PTGER3: variants seen among roughly 807,000 people sequenced by gnomAD.
PTGER3 encodes the protein prostaglandin E receptor 3, also known as prostaglandin E2 receptor EP3 subtype.
PTGER3 carries 22 observed loss-of-function variants against 34.7 expected under a neutral mutation model. The ratio of observed to expected loss-of-function variants is 0.63; its 90% CI spans 0.45 to 0.91. The LOEUF (loss-of-function observed/expected upper bound fraction) is 0.91, where lower values mean the gene tolerates loss of function less well. Among genes scored for constraint, PTGER3 ranks in the 40% least tolerant of loss-of-function variants. PTGER3 has a pLI of 0.00. For missense variants in PTGER3, 468 were observed against 519.4 expected, an observed-to-expected ratio of 0.90 and a Z score of 0.96; for synonymous variants, 241 against 230.1, an observed-to-expected ratio of 1.05 and a Z score of -0.43.
intron 4 of PTGER3, among the ~76,000 whole-genome samples, chr1:70,885,581 A>G (rs1391541224): frequency 1.3e-5 from 2 of 152,116 alleles, no homozygotes; most frequent in East Asian, 1.9e-4. Flanking sequence ...TAAGTTTAAA[A>G]ACTTCATGGA....
downstream of PTGER3, among the ~76,000 whole-genome samples, chr1:70,947,719 G>A (rs1033592463): frequency 2.0e-5 from 3 of 152,124 alleles, no homozygotes; most frequent in African/African-American, 7.2e-5. Context: ...TTACATTGCT[G>A]AGACATTAAT....
At chr1:70,929,431 A>C (rs536590080) in intron 4 of PTGER3, among the ~76,000 whole-genome samples, 1 of 152,322 alleles carries the variant, frequency 6.6e-6, no homozygotes, top group African/African-American at 2.4e-5. Context: ...AGTACTTAAA[A>C]ATTAAATGGG....
intron 4 of PTGER3, among the ~76,000 whole-genome samples, chr1:70,858,294 G>A (rs866170861): frequency 5.3e-5 from 8 of 150,304 alleles, no homozygotes; most frequent in African/African-American, 1.2e-4. Context: ...AGGAAACAAC[G>A]TTGAAACAAA....
intron 1 of PTGER3, among the ~76,000 whole-genome samples, chr1:71,032,406 A>C (rs574126216): frequency 1.3e-5 from 2 of 151,952 alleles, no homozygotes; most frequent in South Asian, 4.3e-4. Context: ...AAAATCTATG[A>C]TGTCTAAACA....
intron 4 of PTGER3, among the ~76,000 whole-genome samples, chr1:70,908,263 T>G (rs1377392816): frequency 6.6e-6 from 1 of 152,130 alleles, no homozygotes; most frequent in East Asian, 1.9e-4. Flanking sequence ...GATTTTTTGG[T>G]CAATTTTTCT....
At chr1:71,015,341 G>C (rs1194260081) in intron 1 of PTGER3, among the ~76,000 whole-genome samples, 1 of 152,146 alleles carries the variant, frequency 6.6e-6, no homozygotes, top group Non-Finnish European at 1.5e-5. Context: ...ATTTAAAGTG[G>C]ACATAACATC....
intron 4 of PTGER3, among the ~76,000 whole-genome samples, chr1:70,868,107 C>T (rs1056365056): frequency 1.3e-5 from 2 of 152,104 alleles, no homozygotes; most frequent in African/African-American, 4.8e-5. Flanking sequence ...ATATCCCAGG[C>T]TTTTGCATAC....
rs188333381 is a variant in PTGER3, at chr1:70,971,313, A to G, written c.*417T>C. ...ACTCTCAATATGTTGACTTTTCACC[A>G]TCATAAGCTTATACTGATTTTTCAA... On this transcript the variant is annotated 3_prime_UTR_variant, in exon 4 of 4. Transcript: ENST00000306666. The G allele has an allele frequency of 2.0e-6, 2 of 989,190 alleles. No homozygotes were observed. Among genetic ancestry groups the G allele is most frequent in the Non-Finnish European group, 2.4e-6 (2 of 832,614 alleles). The allele number at this position is 989,190 out of a possible 1,614,324, so 61.3% of individuals were successfully genotyped here. A position where few individuals can be genotyped will look rare whatever the true frequency, so the allele number is the denominator to read the frequency against.
chr1:70,970,904 G>A lies in PTGER3; in HGVS notation c.*826C>T. The A allele has an allele frequency of 1.0e-6, 1 of 985,044 alleles. No individual in the cohort carries two copies. Among genetic ancestry groups the A allele is most frequent in the Non-Finnish European group, 1.2e-6 (1 of 829,642 alleles). 61.0% of individuals were successfully genotyped at this position (985,044 alleles called of 1,614,324 possible). A position where few individuals can be genotyped will look rare whatever the true frequency, so the allele number is the denominator to read the frequency against. ...ATTTATTAATTTTGCCTTTGTATAT[G>A]CTGCCAGAAAAGAAATATTAAGAAA... On this transcript the variant is annotated 3_prime_UTR_variant, in exon 4 of 4. Transcript: ENST00000306666.
intron 4 of PTGER3, among the ~76,000 whole-genome samples, chr1:70,917,151 T>C (rs902880029): frequency 7.9e-5 from 12 of 152,052 alleles, no homozygotes; most frequent in Non-Finnish European, 1.6e-4. Flanking sequence ...ATTGTAACTT[T>C]GTACACATTG....
chr1:70,929,184 A>G (rs1295574486), intron 4 of PTGER3, among the ~76,000 whole-genome samples: 1 of 152,180 alleles, frequency 6.6e-6, no homozygotes, highest in Admixed American at 6.5e-5. Flanking sequence ...CTAAAGACGA[A>G]TAAATACAGC....
rs1657331999 is a variant in PTGER3 at position 71,010,338 on chromosome 1, G to A, written c.1077+1967C>T. 1.5e-5 allele frequency: 15 copies of A among 984,614 alleles called. No homozygotes were observed. The South Asian group carries it at 6.1e-4, about 40-fold the overall frequency. 61.0% of individuals were successfully genotyped at this position (984,614 alleles called of 1,614,324 possible). On this transcript the variant is annotated intron_variant, in intron 2 of 3. Transcript: ENST00000306666. Reference sequence around the variant, plus strand: ...AAATAATTCACTTTATCAGCCTGATGGACTGTAATGGCATGAAGCACTTCA... The same window carrying A: ...AAATAATTCACTTTATCAGCCTGATAGACTGTAATGGCATGAAGCACTTCA...
chr1:70,961,910 A>T (rs1255407843), intron 2 of PTGER3, among the ~76,000 whole-genome samples: 2 of 152,194 alleles, frequency 1.3e-5, no homozygotes, highest in Non-Finnish European at 2.9e-5. Flanking sequence ...CCTATCTCTT[A>T]GATCCAAATT....
intron 1 of PTGER3, among the ~76,000 whole-genome samples, chr1:71,042,207 A>C (rs1466204795): frequency 1.3e-5 from 2 of 150,468 alleles, no homozygotes; most frequent in Non-Finnish European, 3.0e-5. Context: ...TAACCATCTA[A>C]ATTTGTTTTC....
At chr1:70,954,746 G>A (rs868307163) in intron 2 of PTGER3, among the ~76,000 whole-genome samples, 42 of 152,054 alleles carry the variant, frequency 2.8e-4, no homozygotes, top group African/African-American at 1.0e-3. Context: ...TTGCTATCAT[G>A]TAATACAAAT....
chr1:70,953,100 AAAT>A (rs1650936460), intron 3 of PTGER3: 1 of 1,486,238 alleles, frequency 6.7e-7, no homozygotes, highest in Non-Finnish European at 9.0e-7. Context: ...AAATAATAAA[AAAT>A]AACAATATGA....
chr1:70,985,480 TA>T (rs1654829533), intron 2 of PTGER3, among the ~76,000 whole-genome samples: 1 of 152,124 alleles, frequency 6.6e-6, no homozygotes, highest in Admixed American at 6.5e-5. Context: ...CTGTTTCTCA[TA>T]AATGCAGAAT....
chr1:70,981,363 CTTTCTTTCTTTCTTTCTTTCTTTCT>C (rs1557708898), intron 2 of PTGER3, among the ~76,000 whole-genome samples: 4 of 98,122 alleles, frequency 4.1e-5, no homozygotes, highest in Admixed American at 1.3e-4. Flanking sequence ...TTCTTTCTTT[CTTTCTTTCTTTCTTTCTTTCTTTCT>C]TTCTTTCCTT....
At chr1:70,948,330 T>C (rs1262520895), downstream of PTGER3, among the ~76,000 whole-genome samples, 2 of 152,114 alleles carry the variant, frequency 1.3e-5, no homozygotes, top group African/African-American at 4.8e-5. Context: ...TAACGGACTT[T>C]TCCCCACCCT....
Sources: allele counts gnomAD v4.1 joint callset (sites outside exome capture counted in the v4.1 genomes callset), GRCh38; gene constraint gnomAD v4.1.1; transcripts MANE v1.5; gene names NCBI Gene and HGNC (gene_info 2026-07-23, HGNC 2026-07-21).